The following SGSM1 variants were observed in gnomAD, a reference collection of about 807,000 sequenced individuals.
SGSM1 encodes the protein small G protein signaling modulator 1.
SGSM1 carries 73 observed loss-of-function variants against 133.8 expected under a neutral mutation model. The observed-to-expected ratio is 0.55, with a 90% CI of 0.45 to 0.66. The LOEUF (loss-of-function observed/expected upper bound fraction) is 0.66, where lower values mean the gene tolerates loss of function less well. Ranked by LOEUF, SGSM1 falls within the 30% of genes least tolerant of loss-of-function variation. SGSM1 has a pLI of 0.00. For synonymous variants in SGSM1, 563 were observed against 573.0 expected (o/e 0.98, Z 0.25); for missense variants, 1,213 against 1,448.1 (o/e 0.84, Z 2.64).
chr22:24,876,346 C>T lies in SGSM1; in HGVS notation c.1292-231C>T, dbSNP rs147321624. ...GGCTCTTGGCTCTCTGTGTCCTCTT[C>T]TTCTCTCTTTGGCTGTCATCAGCTC... On this transcript the variant is annotated intron_variant, in intron 12 of 24. Transcript: ENST00000400358. Among the ~76,000 whole-genome samples, 535 of 152,286 alleles carry T rather than the reference C, an allele frequency of 3.5e-3. 3 individuals carry two copies. The highest frequency in any genetic ancestry group is 0.012 in the African/African-American group (513 of 41,528).
chr22:24,894,502 A>G (rs75641119), intron 17 of SGSM1, among the ~76,000 whole-genome samples: 8,570 of 152,292 alleles, frequency 0.056, 538 homozygotes, highest in African/African-American at 0.15. Context: ...GTCAGCGTTT[A>G]TTTTTGCTCA....
intron 20 of SGSM1, among the ~76,000 whole-genome samples, chr22:24,903,896 G>A (rs767533470): frequency 6.6e-5 from 10 of 150,942 alleles, no homozygotes; most frequent in Non-Finnish European, 1.3e-4. Context: ...TGCTTGAACC[G>A]GGGAAGTGGA....
At position 24,884,121 on chromosome 22, in the gene SGSM1, G is replaced by A. The variant is rs199940405; in HGVS notation, c.1564G>A (p.Val522Met). The A allele has an allele frequency of 1.4e-5, 23 of 1,613,722 alleles. No homozygotes were observed. The highest frequency in any genetic ancestry group is 6.7e-5 in the Admixed American group (4 of 59,968). Residue 522 changes from valine to methionine, a missense_variant, in exon 15 of 25, where the codon GTG (valine) becomes ATG (methionine). Physicochemically the swap from Val to Met is conservative, Grantham distance 21. Transcript: ENST00000400358. Reference protein sequence around the residue: ...HLSALVNHMIVSPDLPCDAGQ... With the variant: ...HLSALVNHMIMSPDLPCDAGQ... ...ATCAGCCCTGGTCAATCACATGATC[G>A]TGTCTCCAGACTTGCCCTGCGATGC...
Position 24,859,748 on chromosome 22 carries a change from G to C in SGSM1, c.834G>C (p.Leu278=). The C allele has an allele frequency of 1.9e-6, 3 of 1,613,968 alleles. No individual in the cohort carries two copies. The highest frequency in any genetic ancestry group is 2.5e-6 in the Non-Finnish European group (3 of 1,179,886). Residue 278 remains leucine (L), a synonymous_variant, in exon 9 of 25, where the codon CTG becomes CTC. Transcript: ENST00000400358. ...RDDMEAVPGY[L]SLHQTADVMT... ...ACATGGAGGCTGTGCCAGGGTACCT[G>C]TCCCTGCACCAGACGGCTGACGTCA...
At chr22:24,841,019 T>TTTTTG (rs1277264880) in intron 2 of SGSM1, among the ~76,000 whole-genome samples, 1 of 151,932 alleles carries the variant, frequency 6.6e-6, no homozygotes, top group Non-Finnish European at 1.5e-5. Context: ...CCCGGCTAAT[T>TTTTTG]TTTTGTATTT....
chr22:24,808,145 G>A (rs1002558447), intron 2 of SGSM1, among the ~76,000 whole-genome samples: 5 of 134,612 alleles, frequency 3.7e-5, no homozygotes, highest in South Asian at 2.3e-4. Context: ...ACGGAGTCTC[G>A]CTCTGTTGCC....
chr22:24,808,275 A>G (rs1186951629), intron 2 of SGSM1, among the ~76,000 whole-genome samples: 1 of 151,930 alleles, frequency 6.6e-6, no homozygotes, highest in Non-Finnish European at 1.5e-5. Flanking sequence ...ATGTCCGGCT[A>G]ATTTTTTATT....
intron 8 of SGSM1, among the ~76,000 whole-genome samples, chr22:24,858,635 C>CAAAA (rs139699): frequency 1.2e-3 from 99 of 82,920 alleles, no homozygotes; most frequent in African/African-American, 2.9e-3. Context: ...GACTCCATCT[C>CAAAA]AAAAAAAAAA....
intron 2 of SGSM1, among the ~76,000 whole-genome samples, chr22:24,843,262 A>T (rs1299789027): frequency 2.0e-5 from 3 of 151,326 alleles, no homozygotes; most frequent in Non-Finnish European, 4.4e-5. Context: ...GCTGGTGCTG[A>T]CTTGGTTGTG....
chr22:24,815,286 C>A (rs542938789), intron 2 of SGSM1, among the ~76,000 whole-genome samples: 1 of 152,228 alleles, frequency 6.6e-6, no homozygotes, highest in South Asian at 2.1e-4. Flanking sequence ...TGCTGCTGGC[C>A]ACACAGAAGG....
intron 12 of SGSM1, among the ~76,000 whole-genome samples, chr22:24,875,416 GGT>G (rs1931980287): frequency 1.3e-5 from 2 of 152,038 alleles, no homozygotes; most frequent in South Asian, 4.1e-4. Context: ...TTTTGTTTAT[GGT>G]TACTTTTGCA....
intron 8 of SGSM1, among the ~76,000 whole-genome samples, chr22:24,856,376 G>GTAAA (rs1930788233): frequency 6.6e-6 from 1 of 152,130 alleles, no homozygotes; most frequent in South Asian, 2.1e-4. Context: ...TACAGGTGAA[G>GTAAA]GCGCCAAGAC....
intron 22 of SGSM1, among the ~76,000 whole-genome samples, chr22:24,914,451 G>C: frequency 6.7e-6 from 1 of 148,682 alleles, no homozygotes; most frequent in South Asian, 2.2e-4. Flanking sequence ...ACACCAACCT[G>C]GGTGACAGAG....
At chr22:24,839,221 G>A (rs1569141487) in intron 2 of SGSM1, among the ~76,000 whole-genome samples, 1 of 152,018 alleles carries the variant, frequency 6.6e-6, no homozygotes, top group African/African-American at 2.4e-5. Flanking sequence ...TGCCTGGCTA[G>A]TTTTTGTATT....
chr22:24,820,203 C>G (rs1928382921), intron 2 of SGSM1, among the ~76,000 whole-genome samples: 1 of 152,150 alleles, frequency 6.6e-6, no homozygotes, highest in Non-Finnish European at 1.5e-5. Context: ...GACCTTTATA[C>G]AAGAATGTCC....
At chr22:24,854,685 G>A (rs778113580) in intron 5 of SGSM1, among the ~76,000 whole-genome samples, 3 of 152,174 alleles carry the variant, frequency 2.0e-5, no homozygotes, top group Non-Finnish European at 4.4e-5. Flanking sequence ...CAGTGGTGGC[G>A]CATGCCTCTA....
Position 24,855,282 on chromosome 22 carries a change from C to T in SGSM1, c.524-3C>T. On this transcript the variant is annotated splice_region_variant and splice_polypyrimidine_tract_variant and intron_variant, in intron 6 of 24. Coordinates refer to ENST00000400358, the MANE Select transcript of SGSM1 (RefSeq NM_001098497.3). ...GGGTTTCCAGCCCCCACATGCCCCTCAGTGGGGCCCTGTGCCCTAGAGTAC... is the reference window on the plus strand; with the variant it reads ...GGGTTTCCAGCCCCCACATGCCCCTTAGTGGGGCCCTGTGCCCTAGAGTAC... The T allele has an allele frequency of 1.9e-6, 3 of 1,608,956 alleles. No individual in the cohort carries two copies. The highest frequency in any genetic ancestry group is 1.7e-6 in the Non-Finnish European group (2 of 1,177,690).
chr22:24,828,131 G>C (rs1027400218), intron 2 of SGSM1, among the ~76,000 whole-genome samples: 3 of 152,100 alleles, frequency 2.0e-5, no homozygotes, highest in Non-Finnish European at 4.4e-5. Context: ...GGGAGAAGCT[G>C]AGGAATCCCT....
rs1307428414 is a variant in SGSM1, at chr22:24,897,982, C to T, written c.2033C>T (p.Ser678Phe). Residue 678 changes from serine (S) to phenylalanine (F), a missense_variant, in exon 19 of 25, where the codon TCT becomes TTT. Coordinates refer to ENST00000400358, the MANE Select transcript of SGSM1 (RefSeq NM_001098497.3). ...GCACCTTGTCCTCAGGTGTTTGAGTCTGTGGATGAGGTGGAGCAGGTGGAG... is the reference window on the plus strand; with the variant it reads ...GCACCTTGTCCTCAGGTGTTTGAGTTTGTGGATGAGGTGGAGCAGGTGGAG... ...DSSSSTQVFE[S>F]VDEVEQVEAE... 1 of 1,597,888 alleles carries T rather than the reference C, an allele frequency of 6.3e-7. No homozygotes were observed. The highest frequency in any genetic ancestry group is 8.5e-7 in the Non-Finnish European group (1 of 1,172,252).
Sources: allele counts gnomAD v4.1 joint callset (sites outside exome capture counted in the v4.1 genomes callset), GRCh38; gene constraint gnomAD v4.1.1; transcripts MANE v1.5; gene names NCBI Gene and HGNC (gene_info 2026-07-23, HGNC 2026-07-21).